MICU2: variants seen among roughly 807,000 people sequenced by gnomAD.
MICU2 encodes the protein mitochondrial calcium uptake 2.
In MICU2, 64 loss-of-function variants were observed where a neutral mutation model predicts 60.4. The ratio of observed to expected loss-of-function variants is 1.06; its 90% CI spans 0.87 to 1.31. The LOEUF is 1.31. Among genes scored for constraint, MICU2 ranks in the 50% most tolerant of loss-of-function variants. The pLI is 0.00. For synonymous variants in MICU2, 201 were observed against 175.0 expected (o/e 1.15, Z -1.17); for missense variants, 569 against 531.0 (o/e 1.07, Z -0.70).
intron 2 of MICU2, among the ~76,000 whole-genome samples, chr13:21,566,171 G>A (rs931729014): frequency 6.6e-6 from 1 of 152,026 alleles, no homozygotes; most frequent in African/African-American, 2.4e-5. Flanking sequence ...TGCTCACCTT[G>A]CTCTCACCCA....
At chr13:21,541,610 CA>C (rs1430914481) in intron 2 of MICU2, among the ~76,000 whole-genome samples, 1 of 152,096 alleles carries the variant, frequency 6.6e-6, no homozygotes, top group East Asian at 1.9e-4. Flanking sequence ...CCCCACTTTA[CA>C]TGTAAAACAA....
chr13:21,542,757 T>C (rs1369198401), intron 2 of MICU2, among the ~76,000 whole-genome samples: 1 of 152,182 alleles, frequency 6.6e-6, no homozygotes, highest in African/African-American at 2.4e-5. Context: ...GATTCCACCA[T>C]GTGGTTTTCA....
At chr13:21,531,633 C>T (rs868512130) in intron 4 of MICU2, among the ~76,000 whole-genome samples, 15 of 152,222 alleles carry the variant, frequency 9.9e-5, no homozygotes, top group Non-Finnish European at 1.3e-4. Context: ...GTAGTACACG[C>T]GTCAAGATTT....
intron 2 of MICU2, among the ~76,000 whole-genome samples, chr13:21,565,204 T>C (rs1013385131): frequency 1.8e-4 from 27 of 152,342 alleles, no homozygotes; most frequent in Admixed American, 3.3e-4. Context: ...GTTGCTAGTA[T>C]ACACAAACTT....
At chr13:21,535,466 T>A (rs1273129005) in intron 4 of MICU2, among the ~76,000 whole-genome samples, 1 of 152,212 alleles carries the variant, frequency 6.6e-6, no homozygotes, top group Non-Finnish European at 1.5e-5. Flanking sequence ...CTCAAAGCCA[T>A]AGCTCTGATC....
At chr13:21,550,014 T>C (rs1206663371) in intron 2 of MICU2, among the ~76,000 whole-genome samples, 1 of 152,208 alleles carries the variant, frequency 6.6e-6, no homozygotes, top group East Asian at 1.9e-4. Context: ...ATAGATACTT[T>C]TAAAGGGTAG....
chr13:21,569,891 G>A (rs2138043874), intron 1 of MICU2, among the ~76,000 whole-genome samples: 1 of 151,260 alleles, frequency 6.6e-6, no homozygotes, highest in East Asian at 1.9e-4. Flanking sequence ...GATAGCACAG[G>A]CAGTATGACA....
At chr13:21,550,201 T>C (rs933721325) in intron 2 of MICU2, among the ~76,000 whole-genome samples, 1 of 152,160 alleles carries the variant, frequency 6.6e-6, no homozygotes, top group African/African-American at 2.4e-5. Context: ...CACAAATTTA[T>C]TAACTTTTGG....
chr13:21,511,926 T>C (rs1593318750), intron 7 of MICU2, among the ~76,000 whole-genome samples: 2 of 152,034 alleles, frequency 1.3e-5, no homozygotes, highest in East Asian at 1.9e-4. Flanking sequence ...GGTAATGGAG[T>C]CCCACAGTTT....
intron 1 of MICU2, among the ~76,000 whole-genome samples, chr13:21,572,078 T>G (rs1404232160): frequency 2.0e-5 from 3 of 152,194 alleles, no homozygotes; most frequent in African/African-American, 7.2e-5. Flanking sequence ...TTCAAAACCC[T>G]GCCATATTAA....
At chr13:21,585,375 G>T (rs897386167) in intron 1 of MICU2, among the ~76,000 whole-genome samples, 1 of 152,128 alleles carries the variant, frequency 6.6e-6, no homozygotes, top group Non-Finnish European at 1.5e-5. Context: ...ATGTTTCATG[G>T]TTATTAAACT....
chr13:21,604,098 T>C lies in MICU2; in HGVS notation c.51A>G (p.Lys17=). 1 of 1,591,054 alleles carries C rather than the reference T, an allele frequency of 6.3e-7. No homozygotes were observed. The highest frequency in any genetic ancestry group is 8.5e-7 in the Non-Finnish European group (1 of 1,170,650). Reference sequence around the variant, plus strand: ...GGCTGACAGCGAGCCCCCGTCGCAGTTTTCCGCCCCAGGCCGCCACCCGCG... The same window carrying C: ...GGCTGACAGCGAGCCCCCGTCGCAGCTTTCCGCCCCAGGCCGCCACCCGCG... ...SCARVAAWGG[K]LRRGLAVSRQ... The change falls in exon 1 of 12, where the codon AAA becomes AAG. Residue 17 remains lysine (K), a synonymous_variant. Transcript: ENST00000382374.
intron 2 of MICU2, among the ~76,000 whole-genome samples, chr13:21,559,590 T>C (rs2476638): frequency 0.35 from 52,272 of 151,296 alleles, 9,397 homozygotes; most frequent in South Asian, 0.4. Context: ...AGTGGTGCGA[T>C]CTGGGCTCCT....
At chr13:21,581,063 T>C (rs151132908) in intron 1 of MICU2, among the ~76,000 whole-genome samples, 2 of 152,240 alleles carry the variant, frequency 1.3e-5, no homozygotes, top group African/African-American at 4.8e-5. Context: ...AGCAGTAATA[T>C]AGTGACATAA....
intron 2 of MICU2, among the ~76,000 whole-genome samples, chr13:21,548,078 A>C (rs1887457075): frequency 6.6e-6 from 1 of 152,238 alleles, no homozygotes; most frequent in Non-Finnish European, 1.5e-5. Context: ...CCATTAGGGA[A>C]CCAATTAAAT....
At chr13:21,536,916 G>A (rs1013025709) in intron 4 of MICU2, among the ~76,000 whole-genome samples, 15 of 151,978 alleles carry the variant, frequency 9.9e-5, no homozygotes, top group African/African-American at 3.1e-4. Context: ...CTATTTCTAC[G>A]GTCACTCCCT....
chr13:21,532,960 G>C lies in MICU2; in HGVS notation c.466+6342C>G, dbSNP rs191564792. On this transcript the variant is annotated intron_variant, in intron 4 of 11. Transcript: ENST00000382374. ...ACATAAGGTAGGAATAAGGTAGAGA[G>C]AAACAAACTGGTGATGGGGTAAAAT... Among the ~76,000 whole-genome samples, 4 of 152,234 alleles carry C rather than the reference G, an allele frequency of 2.6e-5. No homozygotes were observed. The East Asian group carries it at 7.7e-4, about 29-fold the overall frequency.
intron 2 of MICU2, among the ~76,000 whole-genome samples, chr13:21,540,072 T>C (rs1887244678): frequency 6.6e-6 from 1 of 152,232 alleles, no homozygotes; most frequent in Non-Finnish European, 1.5e-5. Context: ...AAAACACTCA[T>C]GATTTATAAA....
chr13:21,532,937 A>G (rs1056287544), intron 4 of MICU2, among the ~76,000 whole-genome samples: 1 of 152,204 alleles, frequency 6.6e-6, no homozygotes. Flanking sequence ...TTAAGTTTAC[A>G]TAAGGTAGGA....
Sources: gnomAD v4.1 joint callset for allele counts (sites outside exome capture counted in the v4.1 genomes callset) on GRCh38, gnomAD v4.1.1 for gene constraint, MANE v1.5 for transcripts, NCBI Gene and HGNC (gene_info 2026-07-23, HGNC 2026-07-21) for gene names.